Variants in DLGAP3 observed in about 807,000 individuals in gnomAD.
The protein encoded by DLGAP3 is disks large-associated protein 3.
DLGAP3 carries 17 observed loss-of-function variants against 81.2 expected under a neutral mutation model. The observed-to-expected ratio is 0.21, with a 90% CI of 0.14 to 0.31. DLGAP3 has a LOEUF of 0.31. Ranked by LOEUF, DLGAP3 falls within the 10% of genes least tolerant of loss-of-function variation. DLGAP3 has a pLI of 1.00. For missense variants in DLGAP3, 1,124 were observed against 1,388.0 expected, an observed-to-expected ratio of 0.81 and a Z score of 3.02; for synonymous variants, 577 against 587.4, an observed-to-expected ratio of 0.98 and a Z score of 0.26.
chr1:34,869,002 C>T lies in DLGAP3; in HGVS notation c.2088G>A (p.Val696=). ...ELEGLAGLAT[V]ATEDKALQFG... ...ACTGCAGGGCCTTGTCTTCTGTGGC[C>T]ACCGTGGCCAGGCCTGCCAGGCCCT... The change falls in exon 9 of 12, where the codon GTG becomes GTA. Residue 696 remains valine, a synonymous_variant. Transcript: ENST00000373347. 4 of 1,606,216 alleles carry T rather than the reference C, an allele frequency of 2.5e-6. No individual in the cohort carries two copies. Among genetic ancestry groups the T allele is most frequent in the Non-Finnish European group, 3.4e-6 (4 of 1,179,506 alleles).
rs577849533 is a variant in DLGAP3, at chr1:34,900,173, T to A, written c.1208A>T (p.Asp403Val). Residue 403 changes from aspartate (D) to valine (V), a missense_variant, in exon 4 of 12, where the codon GAT (aspartate) becomes GTT (valine). Physicochemically the swap from Asp to Val is radical, Grantham distance 152 (BLOSUM62 -3). This residue lies in a region of DLGAP3 where 357 missense variants were observed against 408.8 expected (regional missense o/e 0.87). Coordinates refer to ENST00000373347, the MANE Select transcript of DLGAP3 (RefSeq NM_001080418.3). This position sits in a 1 kb window ranked among gnomAD's most constrained non-coding sequence, Gnocchi z 5.6. ...GCCGTCTGAGTCTCCGCTCTCCTCATCCCCCATGGCTTTGATGTAGCTGCC... is the reference window on the plus strand; with the variant it reads ...GCCGTCTGAGTCTCCGCTCTCCTCAACCCCCATGGCTTTGATGTAGCTGCC... ...RSGSYIKAMG[D>V]EESGDSDGSP... The A allele has an allele frequency of 3.1e-6, 5 of 1,614,024 alleles. No homozygotes were observed. The highest frequency in any genetic ancestry group is 4.2e-6 in the Non-Finnish European group (5 of 1,180,014).
intron 1 of DLGAP3, among the ~76,000 whole-genome samples, chr1:34,912,224 G>C (rs1639650528): frequency 6.6e-6 from 1 of 152,188 alleles, no homozygotes. Context: ...TCCTCCATTG[G>C]TTTACAGTGT....
chr1:34,865,880 G>T lies in DLGAP3; in HGVS notation c.*203C>A. On this transcript the variant is annotated 3_prime_UTR_variant, in exon 12 of 12. Transcript: ENST00000373347. ...TGAGGGGCGCAGGGCGGAGAGGCACGGCCCCCTGCCCAGCCCGGGCGCCTT... is the reference window on the plus strand; with the variant it reads ...TGAGGGGCGCAGGGCGGAGAGGCACTGCCCCCTGCCCAGCCCGGGCGCCTT... 3.0e-6 allele frequency: 2 copies of T among 669,870 alleles called. No individual in the cohort carries two copies. The highest frequency in any genetic ancestry group is 2.9e-5 in the East Asian group (1 of 34,920). 41.5% of individuals were successfully genotyped at this position (669,870 alleles called of 1,614,324 possible).
chr1:34,879,606 A>G (rs892796301), intron 8 of DLGAP3, among the ~76,000 whole-genome samples: 5 of 152,232 alleles, frequency 3.3e-5, no homozygotes, highest in Admixed American at 2.0e-4. Context: ...TAATAGGTAC[A>G]TAATATGACC....
Position 34,902,934 on chromosome 1 carries a change from A to C in DLGAP3, c.1107+1343T>G, listed in dbSNP as rs1639485654. On this transcript the variant is annotated intron_variant, in intron 3 of 11. Transcript: ENST00000373347. This position sits in a 1 kb window ranked among gnomAD's most constrained non-coding sequence, Gnocchi z 4.4. Reference sequence around the variant, plus strand: ...TGCCTCCCTGCACCCTGCAGTTCCCAGCTTAGAGCACCTCCCTACCCAGGG... The same window carrying C: ...TGCCTCCCTGCACCCTGCAGTTCCCCGCTTAGAGCACCTCCCTACCCAGGG... 6.6e-6 allele frequency among the ~76,000 whole-genome samples: 1 copy of C among 152,058 alleles called. No individual in the cohort carries two copies. Among genetic ancestry groups the C allele is most frequent in the African/African-American group, 2.4e-5 (1 of 41,410 alleles).
At chr1:34,886,591 C>G (rs1439434407) in intron 5 of DLGAP3, among the ~76,000 whole-genome samples, 1 of 151,056 alleles carries the variant, frequency 6.6e-6, no homozygotes, top group Admixed American at 6.6e-5. Context: ...CTGCAGACCA[C>G]CATGTTTTTC....
intron 8 of DLGAP3, among the ~76,000 whole-genome samples, chr1:34,879,119 T>G (rs1475516080): frequency 6.7e-6 from 1 of 149,950 alleles, no homozygotes; most frequent in Non-Finnish European, 1.5e-5. Context: ...GGGGGCATAG[T>G]AGGGGATGGT....
At chr1:34,875,690 T>A (rs1367899804) in intron 8 of DLGAP3, among the ~76,000 whole-genome samples, 2 of 152,214 alleles carry the variant, frequency 1.3e-5, no homozygotes, top group East Asian at 1.9e-4. Flanking sequence ...ATCTGATGCA[T>A]CCTTTTATCA....
Position 34,873,572 on chromosome 1 carries a change from A to T in DLGAP3, c.2001-4483T>A, listed in dbSNP as rs1639009677. On this transcript the variant is annotated intron_variant, in intron 8 of 11. Coordinates refer to ENST00000373347, the MANE Select transcript of DLGAP3 (RefSeq NM_001080418.3). This position sits in a 1 kb window ranked among gnomAD's most constrained non-coding sequence, Gnocchi z 4.2. Reference sequence around the variant, plus strand: ...CCCATTGTGTTAGCTATTCTAGAGAAGTAGAATGGTTTGCAGCTCTCACTG... The same window carrying T: ...CCCATTGTGTTAGCTATTCTAGAGATGTAGAATGGTTTGCAGCTCTCACTG... Among the ~76,000 whole-genome samples, 1 of 152,222 alleles carries T rather than the reference A, an allele frequency of 6.6e-6. No individual in the cohort carries two copies. The highest frequency in any genetic ancestry group is 1.5e-5 in the Non-Finnish European group (1 of 68,046).
chr1:34,883,076 CT>C (rs970184642), intron 8 of DLGAP3, among the ~76,000 whole-genome samples: 2 of 152,156 alleles, frequency 1.3e-5, no homozygotes, highest in African/African-American at 4.8e-5. Context: ...CCTCCTTTTT[CT>C]TTCATATTCC....
chr1:34,866,991 T>C, intron 11 of DLGAP3, 57 bp downstream of exon 11: 2 of 1,603,076 alleles, frequency 1.2e-6, no homozygotes, highest in East Asian at 2.2e-5. Flanking sequence ...TCCACCTCTC[T>C]GGGGAGGGGA....
intron 5 of DLGAP3, among the ~76,000 whole-genome samples, chr1:34,898,459 T>C (rs1367881864): frequency 2.6e-5 from 4 of 152,226 alleles, no homozygotes; most frequent in East Asian, 3.8e-4. Flanking sequence ...TTTAACAACA[T>C]AGGCTGGTCT....
chr1:34,898,621 C>T (rs976212756), intron 5 of DLGAP3, among the ~76,000 whole-genome samples: 4 of 152,178 alleles, frequency 2.6e-5, no homozygotes, highest in Non-Finnish European at 5.9e-5. Context: ...AATAGCTAAC[C>T]TTTATTGAGT....
chr1:34,867,740 T>C lies in DLGAP3; in HGVS notation c.2486-113A>G. 1.2e-6 allele frequency: 1 copy of C among 844,248 alleles called. No homozygotes were observed. Among genetic ancestry groups the C allele is most frequent in the Admixed American group, 1.8e-5 (1 of 54,554 alleles). 52.3% of individuals were successfully genotyped at this position (844,248 alleles called of 1,614,324 possible). On this transcript the variant is annotated intron_variant, in intron 9 of 11. Coordinates refer to ENST00000373347, the MANE Select transcript of DLGAP3 (RefSeq NM_001080418.3). This position sits in a 1 kb window ranked among gnomAD's most constrained non-coding sequence, Gnocchi z 4.3. ...TCGGTTGCTTGGCACTGTGTATCCA[T>C]CAGTCTCCTCCAGCCCCAGCCCCAT...
rs909699846 is a variant in DLGAP3, at chr1:34,885,349, C to A, written c.1914+129G>T. 2.8e-6 allele frequency: 3 copies of A among 1,057,968 alleles called. No individual in the cohort carries two copies. The African/African-American group carries it at 4.7e-5, about 16-fold the overall frequency. The allele number at this position is 1,057,968 out of a possible 1,614,324, so 65.5% of individuals were successfully genotyped here. On this transcript the variant is annotated intron_variant, in intron 7 of 11. Coordinates refer to ENST00000373347, the MANE Select transcript of DLGAP3 (RefSeq NM_001080418.3). ...GAGCAGCCCCGTCGATGTCCAGGCA[C>A]GGGGTTCACTTGCAGCTCAGGGCAA...
chr1:34,906,908 G>T (rs1157888287), intron 2 of DLGAP3, among the ~76,000 whole-genome samples: 2 of 152,206 alleles, frequency 1.3e-5, no homozygotes, highest in Admixed American at 6.5e-5. Flanking sequence ...CGGCAGGAGG[G>T]AGTGACAGCA....
rs1052089897 is a variant in DLGAP3, at chr1:34,867,686, C to G, written c.2486-59G>C. 5.7e-6 allele frequency: 8 copies of G among 1,404,612 alleles called. No individual in the cohort carries two copies. In the South Asian group the frequency reaches 8.1e-5, roughly 14 times the overall value. 87.0% of individuals were successfully genotyped at this position (1,404,612 alleles called of 1,614,324 possible). On this transcript the variant is annotated intron_variant, in intron 9 of 11. Transcript: ENST00000373347. This position sits in a 1 kb window ranked among gnomAD's most constrained non-coding sequence, Gnocchi z 4.3. ...GATGCATCTCCTTCCCCAGCCTCCA[C>G]GAAGTCTGCCCTGAATGACGCTGAC...
intron 8 of DLGAP3, among the ~76,000 whole-genome samples, chr1:34,884,493 A>G (rs1008486305): frequency 2.0e-5 from 3 of 150,930 alleles, no homozygotes; most frequent in Admixed American, 1.3e-4. Context: ...GGCATGTAAT[A>G]GGTACCCCCA....
chr1:34,904,714 G>C lies in DLGAP3; in HGVS notation c.670C>G (p.His224Asp), dbSNP rs757290968. 1 of 1,613,228 alleles carries C rather than the reference G, an allele frequency of 6.2e-7. No individual in the cohort carries two copies. The highest frequency in any genetic ancestry group is 2.2e-5 in the East Asian group (1 of 44,878). Residue 224 changes from histidine (H) to aspartate (D), a missense_variant, in exon 3 of 12, where the codon CAC (histidine) becomes GAC (aspartate). Transcript: ENST00000373347. The surrounding 1 kb of genome is among the most constrained non-coding windows in gnomAD (Gnocchi z 8.1). The stretch of plus-strand genomic sequence containing the variant: ...TGGTGATGGTGGTGGTGATGGTGGT[G>C]ATGGGAGGTGTGGGGGCCTCCAGAG... Reference protein sequence around the residue: ...PGSGGPHTSHHHHHHHHHHHH... With the variant: ...PGSGGPHTSHDHHHHHHHHHH...
Sources: gnomAD v4.1 joint callset for allele counts (sites outside exome capture counted in the v4.1 genomes callset) on GRCh38, gnomAD v4.1.1 for gene constraint, gnomAD v4.1.1 regional missense constraint, Gnocchi (gnomAD v3.1) non-coding constraint, MANE v1.5 for transcripts, NCBI Gene and HGNC (gene_info 2026-07-23, HGNC 2026-07-21) for gene names.